UGGT2: variants seen among roughly 807,000 people sequenced by gnomAD.
UGGT2 encodes UDP-glucose:glycoprotein glucosyltransferase 2.
UGGT2 carries 180 observed loss-of-function variants against 192.1 expected under a neutral mutation model. The observed-to-expected ratio is 0.94, with a 90% CI of 0.83 to 1.06. The LOEUF (loss-of-function observed/expected upper bound fraction) is 1.06. Ranked by LOEUF, UGGT2 falls within the 50% of genes least tolerant of loss-of-function variation. UGGT2 has a pLI of 0.00. For missense variants in UGGT2, 1,849 were observed against 1,795.7 expected (o/e 1.03, Z -0.54); for synonymous variants, 580 against 591.0 (o/e 0.98, Z 0.27).
intron 1 of UGGT2, among the ~76,000 whole-genome samples, chr13:96,052,765 G>A (rs1271763855): frequency 6.6e-6 from 1 of 152,224 alleles, no homozygotes; most frequent in Non-Finnish European, 1.5e-5. Context: ...CCCATAGTAA[G>A]CCTAGGAGCT....
At position 96,013,461 on chromosome 13, in the gene UGGT2, TTAAATAGA is replaced by T; in HGVS notation, c.498_505del (p.Tyr166Ter). 1.3e-6 allele frequency: 2 copies of T among 1,585,116 alleles called. No homozygotes were observed. Among genetic ancestry groups the T allele is most frequent in the South Asian group, 2.4e-5 (2 of 84,268 alleles). Reference sequence around the variant, plus strand: ...GTTTGTAGGAAATTTGTGATCTCCTTTAAATAGATAAGGTCTAGTCCTAAGATAAAAGC... The same window carrying T: ...GTTTGTAGGAAATTTGTGATCTCCTTTAAGGTCTAGTCCTAAGATAAAAGC... On this transcript the variant is annotated stop_gained and frameshift_variant, in exon 5 of 39. Transcript: ENST00000376747. LOFTEE classifies it high-confidence loss of function.
intron 17 of UGGT2, among the ~76,000 whole-genome samples, chr13:95,930,731 A>G (rs907566112): frequency 6.6e-6 from 1 of 152,168 alleles, no homozygotes; most frequent in African/African-American, 2.4e-5. Context: ...ACTGACTTCA[A>G]GAATAAAGCT....
chr13:96,039,051 A>G (rs764903871), intron 1 of UGGT2, among the ~76,000 whole-genome samples: 9 of 152,206 alleles, frequency 5.9e-5, no homozygotes, highest in Admixed American at 5.2e-4. Context: ...TAGAAGGAAT[A>G]AAGGGGTCAC....
In UGGT2 at chr13:95,984,894, C is replaced by T. The variant is rs546775075; in HGVS notation, c.1032-1030G>A. Reference sequence around the variant, plus strand: ...AGTTTGGCAGCATTGTGAGAAATTACAATTAAAAATTTAATAAGGCAAATT... The same window carrying T: ...AGTTTGGCAGCATTGTGAGAAATTATAATTAAAAATTTAATAAGGCAAATT... On this transcript the variant is annotated intron_variant, in intron 9 of 38. Transcript: ENST00000376747. 2.6e-5 allele frequency: 4 copies of T among 152,904 alleles called. No individual in the cohort carries two copies. In the East Asian group the frequency reaches 7.7e-4, roughly 29 times the overall value. 9.5% of individuals were successfully genotyped at this position (152,904 alleles called of 1,614,324 possible). A position where few individuals can be genotyped will look rare whatever the true frequency, so the allele number is the denominator to read the frequency against.
intron 10 of UGGT2, among the ~76,000 whole-genome samples, chr13:95,977,055 T>C (rs1009159561): frequency 4.6e-5 from 7 of 152,162 alleles, no homozygotes; most frequent in Admixed American, 2.0e-4. Flanking sequence ...TAACTCAAGA[T>C]AGATTAAAGA....
chr13:95,805,507 A>C (rs1884259637), intron 38 of UGGT2, among the ~76,000 whole-genome samples: 1 of 152,236 alleles, frequency 6.6e-6, no homozygotes, highest in Non-Finnish European at 1.5e-5. Context: ...CACAGTAGCC[A>C]AAAGGTGAAA....
chr13:96,038,060 A>T (rs2053057528), intron 1 of UGGT2, among the ~76,000 whole-genome samples: 1 of 152,260 alleles, frequency 6.6e-6, no homozygotes, highest in Admixed American at 6.5e-5. Flanking sequence ...GTTCACAACA[A>T]AACAATAAGG....
At chr13:95,941,476 A>C (rs1291432165) in intron 15 of UGGT2, among the ~76,000 whole-genome samples, 1 of 152,210 alleles carries the variant, frequency 6.6e-6, no homozygotes, top group Non-Finnish European at 1.5e-5. Context: ...GTAGAACATA[A>C]TGTGATCATA....
chr13:95,812,331 C>A (rs1391944472), intron 38 of UGGT2, among the ~76,000 whole-genome samples: 1 of 152,134 alleles, frequency 6.6e-6, no homozygotes, highest in East Asian at 1.9e-4. Flanking sequence ...CCACAGAACA[C>A]CCTTGTATAA....
chr13:95,859,500 C>T (rs1022740248), intron 33 of UGGT2, 91 bp downstream of exon 33: 1 of 1,070,448 alleles, frequency 9.3e-7, no homozygotes. Context: ...AAAGCTTATT[C>T]TGAAAAGAGA....
intron 12 of UGGT2, among the ~76,000 whole-genome samples, chr13:95,964,766 C>CT (rs2050513748): frequency 6.6e-6 from 1 of 152,146 alleles, no homozygotes; most frequent in Non-Finnish European, 1.5e-5. Flanking sequence ...AACTAAAGAG[C>CT]TTCTGCACAG....
At chr13:95,923,251 G>A (rs1053801929) in intron 20 of UGGT2, among the ~76,000 whole-genome samples, 2 of 152,014 alleles carry the variant, frequency 1.3e-5, no homozygotes, top group Non-Finnish European at 2.9e-5. Flanking sequence ...TAGAGACAGA[G>A]TCTTGTTATG....
At chr13:95,974,810 G>C (rs1306595513) in intron 10 of UGGT2, among the ~76,000 whole-genome samples, 1 of 152,080 alleles carries the variant, frequency 6.6e-6, no homozygotes, top group Admixed American at 6.6e-5. Flanking sequence ...GACTGGGTGC[G>C]GTGGCTCACA....
intron 17 of UGGT2, among the ~76,000 whole-genome samples, chr13:95,932,197 T>C (rs989744231): frequency 5.9e-5 from 9 of 152,192 alleles, no homozygotes; most frequent in African/African-American, 1.9e-4. Flanking sequence ...TCCGTGAGCA[T>C]GGAATGTTTA....
intron 25 of UGGT2, among the ~76,000 whole-genome samples, chr13:95,888,934 C>T (rs1361734677): frequency 6.6e-6 from 1 of 151,996 alleles, no homozygotes; most frequent in Admixed American, 6.6e-5. Context: ...CCCACCTCAG[C>T]CTCCTGAGTA....
Position 96,053,381 on chromosome 13 carries a change from G to C in UGGT2, c.-69C>G. 2.0e-6 allele frequency: 3 copies of C among 1,521,478 alleles called. No individual in the cohort carries two copies. Among genetic ancestry groups the C allele is most frequent in the Non-Finnish European group, 2.6e-6 (3 of 1,144,122 alleles). 94.2% of individuals were successfully genotyped at this position (1,521,478 alleles called of 1,614,324 possible). ...AGTCTGTGGCCGCCACGCTTCGGCC[G>C]GCTCTTCCCGCTGCGCGGCTGCCCA... On this transcript the variant is annotated 5_prime_UTR_variant, in exon 1 of 39. Transcript: ENST00000376747.
In UGGT2 at chr13:95,909,979, T is replaced by A. The variant is rs193066550; in HGVS notation, c.2296-6919A>T. ...AGAATTTTCAGCCCAGAATTTAATA[T>A]CCAGCCAAACTAATCTTCATAAGTG... On this transcript the variant is annotated intron_variant, in intron 20 of 38. Coordinates refer to ENST00000376747, the MANE Select transcript of UGGT2 (RefSeq NM_020121.4). Among the ~76,000 whole-genome samples, 882 of 152,122 alleles carry A rather than the reference T, an allele frequency of 5.8e-3. 4 individuals are homozygous for A. The highest frequency in any genetic ancestry group is 7.5e-3 in the Non-Finnish European group (511 of 67,992).
intron 5 of UGGT2, 47 bp downstream of exon 5, chr13:96,013,257 ATTG>A (rs2052221556): frequency 8.7e-6 from 13 of 1,492,616 alleles, no homozygotes; most frequent in Middle Eastern, 1.7e-4. Flanking sequence ...TATCATAATA[ATTG>A]TTTTTTTCTA....
chr13:95,971,066 T>C (rs955280490), intron 11 of UGGT2, among the ~76,000 whole-genome samples: 3 of 152,188 alleles, frequency 2.0e-5, no homozygotes, highest in African/African-American at 7.2e-5. Flanking sequence ...ATGGAGGCTC[T>C]GGCTCCTCCC....
Sources: allele counts gnomAD v4.1 joint callset (sites outside exome capture counted in the v4.1 genomes callset), GRCh38; gene constraint gnomAD v4.1.1; transcripts MANE v1.5; gene names NCBI Gene and HGNC (gene_info 2026-07-23, HGNC 2026-07-21).